KDM7A: variants seen among roughly 807,000 people sequenced by gnomAD.
KDM7A encodes lysine demethylase 7A.
A neutral mutation model predicts 114.8 loss-of-function variants in KDM7A; 28 were observed. That is an observed-to-expected ratio of 0.24 (90% confidence interval 0.18 to 0.33). The LOEUF (loss-of-function observed/expected upper bound fraction) is 0.33. Among genes scored for constraint, KDM7A ranks in the 10% least tolerant of loss-of-function variants. KDM7A has a pLI of 1.00. For synonymous variants in KDM7A, 423 were observed against 397.8 expected (o/e 1.06, Z -0.75); for missense variants, 942 against 1,142.5 (o/e 0.82, Z 2.53).
rs1289292052 is a variant in KDM7A at position 140,090,411 on chromosome 7, C to T, written c.*683G>A. The T allele has an allele frequency of 6.6e-6, 1 of 152,030 alleles. No homozygotes were observed. Among genetic ancestry groups the T allele is most frequent in the Non-Finnish European group, 1.5e-5 (1 of 68,022 alleles). 9.4% of individuals were successfully genotyped at this position (152,030 alleles called of 1,614,324 possible). ...GAAGGTGGGATATAAGGTAATCAAC[C>T]TGGATAACAGTATGCACCTTGGATG... On this transcript the variant is annotated 3_prime_UTR_variant, in exon 20 of 20. Coordinates refer to ENST00000397560, the MANE Select transcript of KDM7A (RefSeq NM_030647.2).
At chr7:140,152,052 T>C (rs985970419) in intron 1 of KDM7A, among the ~76,000 whole-genome samples, 2 of 152,180 alleles carry the variant, frequency 1.3e-5, no homozygotes, top group African/African-American at 4.8e-5. Flanking sequence ...GTTTTCCTAC[T>C]AACCTTTCTC....
intron 1 of KDM7A, among the ~76,000 whole-genome samples, chr7:140,159,132 G>A (rs1794490325): frequency 6.6e-6 from 1 of 152,174 alleles, no homozygotes; most frequent in Non-Finnish European, 1.5e-5. Flanking sequence ...ATCACTTGAG[G>A]TCGGGAGTTT....
chr7:140,102,261 C>T, intron 11 of KDM7A, 101 bp from the exon 12 acceptor site: 2 of 861,190 alleles, frequency 2.3e-6, no homozygotes, highest in Non-Finnish European at 3.7e-6. Context: ...AAAAACCATT[C>T]AGTTTAACCA....
At chr7:140,109,231 G>C (rs895056497) in intron 11 of KDM7A, among the ~76,000 whole-genome samples, 36 of 152,340 alleles carry the variant, frequency 2.4e-4, no homozygotes, top group African/African-American at 8.7e-4. Flanking sequence ...GACAGGCGAT[G>C]CACCGCCCTG....
At chr7:140,100,051 A>G (rs1302607205) in intron 12 of KDM7A, 28 bp from the exon 13 acceptor site, 1 of 1,613,200 alleles carries the variant, frequency 6.2e-7, no homozygotes, top group Non-Finnish European at 8.5e-7. Flanking sequence ...GAACTTACTT[A>G]CCATCCACCC....
At chr7:140,115,894 T>TAA (rs35004743) in intron 9 of KDM7A, among the ~76,000 whole-genome samples, 113 of 140,600 alleles carry the variant, frequency 8.0e-4, no homozygotes, top group African/African-American at 2.6e-3. Context: ...ATTTTTATCA[T>TAA]AAAAAAAAAA....
intron 2 of KDM7A, among the ~76,000 whole-genome samples, chr7:140,136,442 A>C (rs1818871234): frequency 6.6e-6 from 1 of 152,214 alleles, no homozygotes; most frequent in Admixed American, 6.5e-5. Flanking sequence ...TTCTTAAAGG[A>C]AGGAGGTCAG....
chr7:140,088,005 G>A lies in KDM7A; in HGVS notation c.*3089C>T, dbSNP rs907916429. 2.6e-5 allele frequency: 4 copies of A among 152,216 alleles called. No homozygotes were observed. The highest frequency in any genetic ancestry group is 9.7e-5 in the African/African-American group (4 of 41,432). 9.4% of individuals were successfully genotyped at this position (152,216 alleles called of 1,614,324 possible). ...AGGTAGTGCTGGGCACACAGTAGAT[G>A]TTTGATAAATACCTGTTGATCCCAT... On this transcript the variant is annotated 3_prime_UTR_variant, in exon 20 of 20. Coordinates refer to ENST00000397560, the MANE Select transcript of KDM7A (RefSeq NM_030647.2).
At chr7:140,121,288 A>C (rs755231883) in intron 7 of KDM7A, among the ~76,000 whole-genome samples, 2 of 152,268 alleles carry the variant, frequency 1.3e-5, no homozygotes, top group Non-Finnish European at 2.9e-5. Flanking sequence ...AAATGTTGGC[A>C]GACTTCAAGA....
intron 18 of KDM7A, among the ~76,000 whole-genome samples, chr7:140,092,366 T>G (rs571393888): frequency 6.6e-6 from 1 of 152,290 alleles, no homozygotes; most frequent in East Asian, 1.9e-4. Context: ...AGTGAGCACA[T>G]GCCAACGCAG....
chr7:140,150,010 A>G (rs1794382035), intron 1 of KDM7A, among the ~76,000 whole-genome samples: 1 of 152,174 alleles, frequency 6.6e-6, no homozygotes, highest in Non-Finnish European at 1.5e-5. Context: ...GAGAAAAATG[A>G]TTCCTTTGGC....
intron 4 of KDM7A, among the ~76,000 whole-genome samples, chr7:140,129,261 A>C (rs146523994): frequency 9.4e-4 from 143 of 152,376 alleles, no homozygotes; most frequent in South Asian, 1.9e-3. Flanking sequence ...GGCACAAAAG[A>C]AAGCAGCAGG....
At chr7:140,159,938 C>T (rs1264224298) in intron 1 of KDM7A, among the ~76,000 whole-genome samples, 1 of 135,762 alleles carries the variant, frequency 7.4e-6, no homozygotes, top group Non-Finnish European at 1.5e-5. Context: ...CAATCCTTGA[C>T]TTCCATTAAA....
At chr7:140,108,207 C>T (rs9718628) in intron 11 of KDM7A, among the ~76,000 whole-genome samples, 52,657 of 151,832 alleles carry the variant, frequency 0.35, 9,395 homozygotes, top group Middle Eastern at 0.43. Flanking sequence ...AGCTTCTTTG[C>T]GATGGGTTTG....
intron 1 of KDM7A, among the ~76,000 whole-genome samples, chr7:140,156,617 A>G (rs1337390872): frequency 6.6e-6 from 1 of 152,206 alleles, no homozygotes; most frequent in East Asian, 1.9e-4. Context: ...GGTCCCACCC[A>G]AAGGGAGAGA....
At chr7:140,113,412 C>A in intron 10 of KDM7A, 79 bp downstream of exon 10, 2 of 776,534 alleles carry the variant, frequency 2.6e-6, no homozygotes, top group Non-Finnish European at 2.2e-6. Context: ...TTCACACGTG[C>A]TGCCAAAATA....
At chr7:140,149,358 TGAC>T (rs1305769707) in intron 1 of KDM7A, among the ~76,000 whole-genome samples, 1 of 152,218 alleles carries the variant, frequency 6.6e-6, no homozygotes, top group Non-Finnish European at 1.5e-5. Context: ...CTTTACTGCC[TGAC>T]ATCTTGGACA....
Position 140,124,728 on chromosome 7 carries a change from T to G in KDM7A, c.944A>C (p.Glu315Ala). Residue 315 changes from glutamate (E) to alanine (A), a missense_variant, in exon 7 of 20, where the codon GAA becomes GCA. Physicochemically the swap from Glu to Ala is moderately radical, Grantham distance 107. Transcript: ENST00000397560. ...KPTDENLARY[E>A]SWSSSVTQSE... ...CTGGGTCACAGATGAACTCCAAGAT[T>G]CATAACGTGCCAAATTTTCATCTGT... 1 of 1,612,982 alleles carries G rather than the reference T, an allele frequency of 6.2e-7. No individual in the cohort carries two copies. Among genetic ancestry groups the G allele is most frequent in the Non-Finnish European group, 8.5e-7 (1 of 1,179,286 alleles).
chr7:140,116,120 A>C, intron 9 of KDM7A, among the ~76,000 whole-genome samples: 1 of 152,218 alleles, frequency 6.6e-6, no homozygotes, highest in Non-Finnish European at 1.5e-5. Flanking sequence ...GCTAAATTCT[A>C]CCTATGACCT....
Sources: allele counts gnomAD v4.1 joint callset (sites outside exome capture counted in the v4.1 genomes callset), GRCh38; gene constraint gnomAD v4.1.1; transcripts MANE v1.5; gene names NCBI Gene and HGNC (gene_info 2026-07-23, HGNC 2026-07-21).